The following CNOT1 variants were observed in gnomAD, a reference collection of about 807,000 sequenced individuals.
CNOT1 encodes the protein CCR4-associated factor 1.
In CNOT1, 15 loss-of-function variants were observed where a neutral mutation model predicts 273.8. The observed-to-expected ratio is 0.05, with a 90% CI of 0.04 to 0.08. CNOT1 has a LOEUF of 0.08. Ranked by LOEUF, CNOT1 falls within the 10% of genes least tolerant of loss-of-function variation. The probability of loss-of-function intolerance (pLI) is 1.00; values close to 1 mark genes in which losing one functional copy is unlikely to be tolerated. For missense variants in CNOT1, 1,644 were observed against 2,912.2 expected, an observed-to-expected ratio of 0.56 and a Z score of 10.02; for synonymous variants, 1,022 against 1,005.5, an observed-to-expected ratio of 1.02 and a Z score of -0.31.
chr16:58,586,775 CA>C, intron 6 of CNOT1, 27 bp from the exon 7 acceptor site: 1 of 1,608,820 alleles, frequency 6.2e-7, no homozygotes. Flanking sequence ...CCAAAAACCG[CA>C]AGTTACTTTT....
intron 25 of CNOT1, chr16:58,548,517 TAC>T (rs1224876204): frequency 7.7e-6 from 4 of 518,954 alleles, no homozygotes; most frequent in Non-Finnish European, 1.5e-5. Context: ...CTTAACTCTA[TAC>T]AGCAACAGCA....
At chr16:58,605,734 G>A (rs1416074815) in intron 1 of CNOT1, among the ~76,000 whole-genome samples, 1 of 152,012 alleles carries the variant, frequency 6.6e-6, no homozygotes, top group Non-Finnish European at 1.5e-5. Context: ...GCACAATCAC[G>A]GCTTACCGCA....
At chr16:58,622,345 G>T (rs929926155) in intron 1 of CNOT1, among the ~76,000 whole-genome samples, 1 of 56,118 alleles carries the variant, frequency 1.8e-5, no homozygotes, top group Admixed American at 1.8e-4. Context: ...GGGGGGGGGG[G>T]GGGGGCGGGC....
intron 1 of CNOT1, among the ~76,000 whole-genome samples, chr16:58,600,575 C>T (rs1465962842): frequency 2.0e-5 from 3 of 152,092 alleles, no homozygotes; most frequent in African/African-American, 7.2e-5. Flanking sequence ...TATGTTACTG[C>T]TTCAGAATCA....
At chr16:58,597,437 G>A (rs569222651) in intron 2 of CNOT1, among the ~76,000 whole-genome samples, 22 of 151,732 alleles carry the variant, frequency 1.4e-4, no homozygotes, top group Admixed American at 7.9e-4. Flanking sequence ...ATCGCGCCAC[G>A]GTATGCCAGC....
In CNOT1 at chr16:58,587,201, C is replaced by A; in HGVS notation, c.433G>T (p.Ala145Ser). 1.2e-6 allele frequency: 2 copies of A among 1,611,582 alleles called. No individual in the cohort carries two copies. The highest frequency in any genetic ancestry group is 2.2e-5 in the South Asian group (2 of 90,672). ...NSSSSDLRGF[A>S]AQFIKQKLPD... is the part of the protein sequence containing the mutation. The stretch of plus-strand genomic sequence containing the variant: ...GATATTTTTGGAAAAAGTAACTCAC[C>A]GAAACCTCTAAGATCTGAGCTGGAA... The change falls in exon 6 of 49, where the codon GCT (alanine) becomes TCT (serine). Residue 145 changes from alanine to serine, a missense_variant and splice_region_variant. By Grantham distance (99) the Ala-to-Ser change is moderately conservative. Coordinates refer to ENST00000317147, the MANE Select transcript of CNOT1 (RefSeq NM_016284.5).
intron 39 of CNOT1, 87 bp downstream of exon 39, chr16:58,536,902 C>T: frequency 1.3e-6 from 2 of 1,536,164 alleles, no homozygotes; most frequent in East Asian, 2.3e-5. Flanking sequence ...TGTCTGACCA[C>T]ATGTACGCAA....
At chr16:58,588,647 G>T in intron 3 of CNOT1, 152 bp downstream of exon 3, 1 of 1,068,248 alleles carries the variant, frequency 9.4e-7, no homozygotes, top group Non-Finnish European at 1.3e-6. Context: ...GGGACGCACA[G>T]AAAAAAAAGG....
intron 16 of CNOT1, among the ~76,000 whole-genome samples, chr16:58,564,189 T>C (rs2040957164): frequency 6.6e-6 from 1 of 152,152 alleles, no homozygotes; most frequent in Non-Finnish European, 1.5e-5. Flanking sequence ...AAAATATTAA[T>C]GATAGTGACT....
rs374794093 is a variant in CNOT1, at chr16:58,587,327, T to C, written c.378+18A>G. ...TTAATTCTAGTTTTGTCTACATCTC[T>C]TTTCATAAATCACTCACCTCTTGTA... On this transcript the variant is annotated intron_variant, in intron 5 of 48. Coordinates refer to ENST00000317147, the MANE Select transcript of CNOT1 (RefSeq NM_016284.5). 3.5e-4 allele frequency: 572 copies of C among 1,613,778 alleles called. No homozygotes were observed. The highest frequency in any genetic ancestry group is 4.6e-4 in the Non-Finnish European group (545 of 1,179,944).
rs1249523099 is a variant in CNOT1 at position 58,539,807 on chromosome 16, G to A, written c.4953C>T (p.Asn1651=). The A allele has an allele frequency of 1.2e-6, 2 of 1,613,910 alleles. No individual in the cohort carries two copies. The highest frequency in any genetic ancestry group is 1.7e-5 in the Admixed American group (1 of 59,974). The change falls in exon 35 of 49, where the codon AAC becomes AAT. Residue 1651 remains asparagine (N), a synonymous_variant. Coordinates refer to ENST00000317147, the MANE Select transcript of CNOT1 (RefSeq NM_016284.5). ...SLLEVVVLSR[N]SRDAIAALGL... ...CAAGAGCAGCTATGGCATCCCGAGA[G>A]TTTCGAGATAAAACTACAACCTCCA...
At position 58,530,111 on chromosome 16, in the gene CNOT1, CTT is replaced by C. The variant is rs1239769812; in HGVS notation, c.6279+133_6279+134del. On this transcript the variant is annotated intron_variant, in intron 43 of 48. Transcript: ENST00000317147. ...TTTGGGTGCTAGTTATGCAAGTACA[CTT>C]GATTTTTACACTTTTCTGAATGTAT... 1.0e-4 allele frequency: 63 copies of C among 618,762 alleles called. 1 individual carries two copies. The South Asian group carries it at 1.4e-3, about 13-fold the overall frequency. 38.3% of individuals were successfully genotyped at this position (618,762 alleles called of 1,614,324 possible). A position where few individuals can be genotyped will look rare whatever the true frequency, so the allele number is the denominator to read the frequency against.
intron 17 of CNOT1, 57 bp from the exon 18 acceptor site, chr16:58,558,731 T>A (rs2040724748): frequency 2.6e-6 from 4 of 1,565,238 alleles, no homozygotes; most frequent in Non-Finnish European, 1.7e-6. Flanking sequence ...GGCAGACACA[T>A]GTAAAGCAAT....
chr16:58,553,639 A>C, intron 22 of CNOT1, 143 bp downstream of exon 22: 1 of 1,044,506 alleles, frequency 9.6e-7, no homozygotes. Flanking sequence ...GAGCAACCTC[A>C]ACAAAAGATA....
At chr16:58,627,053 A>T (rs1374198573) in intron 1 of CNOT1, among the ~76,000 whole-genome samples, 1 of 152,108 alleles carries the variant, frequency 6.6e-6, no homozygotes, top group African/African-American at 2.4e-5. Flanking sequence ...TTGGGTACCA[A>T]AGACGTGTTT....
At chr16:58,573,772 C>T (rs939336715) in intron 16 of CNOT1, among the ~76,000 whole-genome samples, 2 of 152,110 alleles carry the variant, frequency 1.3e-5, no homozygotes, top group Non-Finnish European at 2.9e-5. Flanking sequence ...TGAGCCACCG[C>T]ACCCAGCCTT....
intron 16 of CNOT1, among the ~76,000 whole-genome samples, chr16:58,570,295 T>G (rs748314702): frequency 1.3e-5 from 2 of 152,190 alleles, no homozygotes; most frequent in Non-Finnish European, 2.9e-5. Context: ...GAAAAACTAC[T>G]GGCAAAGATA....
At chr16:58,590,207 T>C (rs143519722) in intron 2 of CNOT1, among the ~76,000 whole-genome samples, 3 of 152,294 alleles carry the variant, frequency 2.0e-5, no homozygotes, top group African/African-American at 7.2e-5. Flanking sequence ...TGCTAAAATT[T>C]ACCACCATCT....
intron 1 of CNOT1, among the ~76,000 whole-genome samples, chr16:58,616,256 C>T (rs2043077221): frequency 8.1e-6 from 1 of 123,618 alleles, no homozygotes; most frequent in Non-Finnish European, 1.9e-5. Flanking sequence ...TAGGCGCCTG[C>T]CACCACGCCC....
Sources: allele counts gnomAD v4.1 joint callset (sites outside exome capture counted in the v4.1 genomes callset), GRCh38; gene constraint gnomAD v4.1.1; transcripts MANE v1.5; gene names NCBI Gene and HGNC (gene_info 2026-07-23, HGNC 2026-07-21).